MARCHF3: variants seen among roughly 807,000 people sequenced by gnomAD.
MARCHF3 encodes the protein E3 ubiquitin-protein ligase MARCHF3.
A neutral mutation model predicts 24.2 loss-of-function variants in MARCHF3; 13 were observed. The observed-to-expected ratio is 0.54, with a 90% CI of 0.35 to 0.85. The LOEUF is 0.85. Among genes scored for constraint, MARCHF3 ranks in the 40% least tolerant of loss-of-function variants. MARCHF3 has a pLI of 0.01. For missense variants in MARCHF3, 276 were observed against 325.0 expected (o/e 0.85, Z 1.16); for synonymous variants, 144 against 137.3 (o/e 1.05, Z -0.34).
At chr5:127,023,392 A>G (rs1048416907) in intron 1 of MARCHF3, among the ~76,000 whole-genome samples, 12 of 152,152 alleles carry the variant, frequency 7.9e-5, no homozygotes, top group Non-Finnish European at 1.5e-4. Context: ...GTATTATAAA[A>G]ATTAGTTTAT....
intron 1 of MARCHF3, among the ~76,000 whole-genome samples, chr5:126,969,235 T>C (rs73786242): frequency 0.052 from 7,851 of 152,294 alleles, 373 homozygotes; most frequent in South Asian, 0.14. Context: ...TCCAAGAGTT[T>C]AGAAAAAGGT....
chr5:126,971,733 G>A (rs898228382), intron 1 of MARCHF3, among the ~76,000 whole-genome samples: 14 of 152,198 alleles, frequency 9.2e-5, no homozygotes, highest in Admixed American at 7.2e-4. Context: ...AGAGGAAAAT[G>A]TGGGTGTAGC....
intron 1 of MARCHF3, among the ~76,000 whole-genome samples, chr5:126,924,308 T>C (rs1749223778): frequency 6.6e-6 from 1 of 152,182 alleles, no homozygotes; most frequent in Non-Finnish European, 1.5e-5. Flanking sequence ...TCAGAAAGGA[T>C]TTTTAAATGT....
chr5:127,026,541 T>G (rs978545124), intron 1 of MARCHF3, among the ~76,000 whole-genome samples: 1 of 152,140 alleles, frequency 6.6e-6, no homozygotes, highest in African/African-American at 2.4e-5. Context: ...TACTACAAGG[T>G]CACATTCAAT....
chr5:127,014,644 G>GTAATTTTAC (rs1263981782), intron 1 of MARCHF3, among the ~76,000 whole-genome samples: 1 of 152,150 alleles, frequency 6.6e-6, no homozygotes, highest in African/African-American at 2.4e-5. Flanking sequence ...ATGAAATTCT[G>GTAATTTTAC]TAATTTTACA....
chr5:127,017,272 T>C (rs1448273998), intron 1 of MARCHF3, among the ~76,000 whole-genome samples: 1 of 152,100 alleles, frequency 6.6e-6, no homozygotes, highest in Non-Finnish European at 1.5e-5. Flanking sequence ...TAAAAAAAAA[T>C]GAATTATCCC....
intron 1 of MARCHF3, among the ~76,000 whole-genome samples, chr5:127,000,506 T>G (rs1355706062): frequency 6.6e-6 from 1 of 152,078 alleles, no homozygotes; most frequent in Non-Finnish European, 1.5e-5. Context: ...GAGTAACAAG[T>G]GGGACCAGGG....
At chr5:126,895,586 G>A (rs1232782612) in intron 3 of MARCHF3, among the ~76,000 whole-genome samples, 1 of 152,102 alleles carries the variant, frequency 6.6e-6, no homozygotes, top group Non-Finnish European at 1.5e-5. Context: ...AGGTGTCAGT[G>A]TGCCCCTGCT....
At chr5:127,017,549 A>G (rs1376713629) in intron 1 of MARCHF3, among the ~76,000 whole-genome samples, 1 of 152,224 alleles carries the variant, frequency 6.6e-6, no homozygotes, top group Non-Finnish European at 1.5e-5. Flanking sequence ...CAGAACACTT[A>G]TATTAGCTTA....
At position 127,007,666 on chromosome 5, in the gene MARCHF3, A is replaced by G. The variant is rs144908098; in HGVS notation, c.-57+22684T>C. 2.4e-4 allele frequency among the ~76,000 whole-genome samples: 37 copies of G among 152,296 alleles called. 2 individuals carry two copies. The East Asian group carries it at 5.8e-3, about 24-fold the overall frequency. Reference sequence around the variant, plus strand: ...GTTTTTAATTCCTAATTTGGCTAACAAAGAGCTTATTTTATGATAAAGTAG... The same window carrying G: ...GTTTTTAATTCCTAATTTGGCTAACGAAGAGCTTATTTTATGATAAAGTAG... On this transcript the variant is annotated intron_variant, in intron 1 of 4. Coordinates refer to ENST00000308660, the MANE Select transcript of MARCHF3 (RefSeq NM_178450.5).
intron 1 of MARCHF3, among the ~76,000 whole-genome samples, chr5:126,981,850 T>G (rs1453778107): frequency 1.3e-5 from 2 of 152,240 alleles, no homozygotes. Context: ...CTGCCAGGCA[T>G]GCTCTTTTTA....
chr5:127,009,259 G>A (rs972158808), intron 1 of MARCHF3, among the ~76,000 whole-genome samples: 1 of 152,136 alleles, frequency 6.6e-6, no homozygotes, highest in African/African-American at 2.4e-5. Context: ...GATTGCTTAT[G>A]TCTATGTTTG....
At chr5:126,961,593 T>C (rs549445939) in intron 1 of MARCHF3, among the ~76,000 whole-genome samples, 30 of 152,290 alleles carry the variant, frequency 2.0e-4, no homozygotes, top group African/African-American at 7.0e-4. Context: ...TTAGTCAGAA[T>C]TTGGAAAAGA....
intron 1 of MARCHF3, among the ~76,000 whole-genome samples, chr5:126,959,176 G>A (rs1169044234): frequency 1.3e-5 from 2 of 152,228 alleles, no homozygotes; most frequent in East Asian, 1.9e-4. Flanking sequence ...CCTGACAAAC[G>A]CTACCTCAGC....
intron 1 of MARCHF3, among the ~76,000 whole-genome samples, chr5:126,973,227 C>T (rs965531359): frequency 2.0e-5 from 3 of 152,230 alleles, no homozygotes; most frequent in Non-Finnish European, 4.4e-5. Flanking sequence ...GAATTCCAAA[C>T]GCCCTTCTAA....
chr5:126,890,677 C>T (rs1288586823), intron 3 of MARCHF3, among the ~76,000 whole-genome samples: 12 of 151,204 alleles, frequency 7.9e-5, no homozygotes, highest in African/African-American at 2.9e-4. Context: ...TTTCTTAATC[C>T]AGTCTATCAT....
intron 3 of MARCHF3, among the ~76,000 whole-genome samples, chr5:126,894,382 T>C (rs2126777967): frequency 6.6e-6 from 1 of 151,900 alleles, no homozygotes; most frequent in African/African-American, 2.4e-5. Context: ...CTTCCTAGTC[T>C]CGATGGTCTT....
chr5:126,906,730 A>G (rs940566260), intron 3 of MARCHF3, among the ~76,000 whole-genome samples: 30 of 151,886 alleles, frequency 2.0e-4, no homozygotes, highest in African/African-American at 7.3e-4. Flanking sequence ...TAGTCTTGCT[A>G]GTGGTCTATC....
intron 1 of MARCHF3, among the ~76,000 whole-genome samples, chr5:126,983,207 T>C (rs185157807): frequency 6.6e-6 from 1 of 151,922 alleles, no homozygotes; most frequent in Non-Finnish European, 1.5e-5. Context: ...CAGAAGGGAG[T>C]TGGCTTTGGC....
Sources: gnomAD v4.1 joint callset for allele counts (sites outside exome capture counted in the v4.1 genomes callset) on GRCh38, gnomAD v4.1.1 for gene constraint, MANE v1.5 for transcripts, NCBI Gene and HGNC (gene_info 2026-07-23, HGNC 2026-07-21) for gene names.